The following PIGK variants were observed in gnomAD, a reference collection of about 807,000 sequenced individuals.
PIGK encodes GPI-anchor transamidase.
In PIGK, 42 loss-of-function variants were observed where a neutral mutation model predicts 50.6. The ratio of observed to expected loss-of-function variants is 0.83; its 90% confidence interval spans 0.65 to 1.07. The LOEUF is 1.07. PIGK is among the 50% of genes least tolerant of loss of function. The probability of loss-of-function intolerance (pLI) is 0.00; values close to 1 mark genes in which losing one functional copy is unlikely to be tolerated. For missense variants in PIGK, 448 were observed against 488.7 expected (o/e 0.92, Z 0.78); for synonymous variants, 151 against 156.0 (o/e 0.97, Z 0.24).
chr1:77,157,559 T>C (rs761404044), intron 8 of PIGK, among the ~76,000 whole-genome samples: 4 of 152,220 alleles, frequency 2.6e-5, no homozygotes, highest in African/African-American at 4.8e-5. Context: ...ATGAGAACTT[T>C]CAAATTGAAG....
In PIGK at chr1:77,163,915, A is replaced by C; in HGVS notation, c.515T>G (p.Phe172Cys). 1.9e-6 allele frequency: 3 copies of C among 1,606,862 alleles called. No individual in the cohort carries two copies. Among genetic ancestry groups the C allele is most frequent in the Non-Finnish European group, 2.6e-6 (3 of 1,175,310 alleles). The change falls in exon 6 of 11, where the codon TTT becomes TGT. Residue 172 changes from phenylalanine (F) to cysteine (C), a missense_variant. Coordinates refer to ENST00000370812, the MANE Select transcript of PIGK (RefSeq NM_005482.3). ...GTTGGTAATTTCTTCAGAATCTTGA[A>C]ATTTTAAGAAACCATTTCCACCATG... ...TGHGGNGFLK[F>C]QDSEEITNIE...
chr1:77,195,042 G>A (rs1225458967), intron 3 of PIGK: 4 of 847,922 alleles, frequency 4.7e-6, no homozygotes, highest in South Asian at 1.3e-5. Context: ...ACCTGAATCT[G>A]CTCAGAGACC....
chr1:77,161,632 C>T lies in PIGK; in HGVS notation c.664G>A (p.Ala222Thr). The change falls in exon 7 of 11, where the codon GCT (alanine) becomes ACT (threonine). Residue 222 changes from alanine (A) to threonine (T), a missense_variant. By Grantham distance (58) the Ala-to-Thr change is moderately conservative. Transcript: ENST00000370812. ...YERFYSPNIM[A>T]LASSQVGEDS... ...TCTCCCACTTGACTACTAGCTAGAGCCATTATGTTAGGAGAATAAAATCGT... is the reference window on the plus strand; with the variant it reads ...TCTCCCACTTGACTACTAGCTAGAGTCATTATGTTAGGAGAATAAAATCGT... The T allele has an allele frequency of 4.5e-6, 7 of 1,570,026 alleles. No individual in the cohort carries two copies. Among genetic ancestry groups the T allele is most frequent in the Non-Finnish European group, 6.1e-6 (7 of 1,139,992 alleles).
chr1:77,195,967 A>G (rs1656025803), intron 3 of PIGK, among the ~76,000 whole-genome samples: 1 of 152,038 alleles, frequency 6.6e-6, no homozygotes, highest in Non-Finnish European at 1.5e-5. Context: ...GTAGTTTTTC[A>G]GCCTTTGCCA....
At chr1:77,211,150 C>T (rs1473188235) in intron 1 of PIGK, among the ~76,000 whole-genome samples, 1 of 151,844 alleles carries the variant, frequency 6.6e-6, no homozygotes, top group Non-Finnish European at 1.5e-5. Flanking sequence ...GTGTATTAAT[C>T]GTCTGTCTTT....
chr1:77,183,379 C>T (rs1028326425), intron 3 of PIGK, among the ~76,000 whole-genome samples: 5 of 152,138 alleles, frequency 3.3e-5, no homozygotes, highest in African/African-American at 1.2e-4. Context: ...CCTATGCTGC[C>T]TGAGGCAACA....
chr1:77,109,089 A>G (rs56282465), intron 10 of PIGK, among the ~76,000 whole-genome samples: 5,670 of 152,278 alleles, frequency 0.037, 207 homozygotes, highest in South Asian at 0.21. Context: ...TAGACCAGTA[A>G]CAGGCTCTGA....
At chr1:77,096,884 T>TC (rs1420189273) in intron 10 of PIGK, among the ~76,000 whole-genome samples, 12 of 114,128 alleles carry the variant, frequency 1.1e-4, no homozygotes, top group Non-Finnish European at 2.2e-4. Flanking sequence ...GGTTTTTCTT[T>TC]TTTTTTTTTT....
intron 8 of PIGK, among the ~76,000 whole-genome samples, chr1:77,154,920 A>C (rs1654976668): frequency 6.6e-6 from 1 of 152,112 alleles, no homozygotes; most frequent in South Asian, 2.1e-4. Flanking sequence ...AACTCTGAGA[A>C]CTCATACTCA....
intron 9 of PIGK, among the ~76,000 whole-genome samples, chr1:77,147,265 T>C (rs1174456949): frequency 6.6e-6 from 1 of 151,738 alleles, no homozygotes; most frequent in Non-Finnish European, 1.5e-5. Context: ...TTCAATTATC[T>C]CCCACCGGGT....
At chr1:77,163,814 T>C (rs751655612) in intron 6 of PIGK, 32 bp downstream of exon 6, 2 of 1,209,074 alleles carry the variant, frequency 1.7e-6, no homozygotes, top group Non-Finnish European at 2.4e-6. Context: ...GGTATGAATA[T>C]AGCTTATGAA....
chr1:77,107,148 T>A (rs1249947516), intron 10 of PIGK, among the ~76,000 whole-genome samples: 1 of 152,234 alleles, frequency 6.6e-6, no homozygotes, highest in East Asian at 1.9e-4. Context: ...ATGTGTTTAC[T>A]CTTGCTTCTC....
At chr1:77,215,094 A>T (rs781510426) in intron 1 of PIGK, among the ~76,000 whole-genome samples, 7 of 152,166 alleles carry the variant, frequency 4.6e-5, no homozygotes, top group Non-Finnish European at 8.8e-5. Context: ...CTACAGTTCA[A>T]TGCAATCTCT....
chr1:77,111,847 G>C (rs1339578768), intron 10 of PIGK, among the ~76,000 whole-genome samples: 1 of 151,948 alleles, frequency 6.6e-6, no homozygotes, highest in African/African-American at 2.4e-5. Flanking sequence ...TTTTAAACTA[G>C]AAACACCTTA....
chr1:77,194,830 G>T (rs555421799), intron 3 of PIGK: 13 of 379,528 alleles, frequency 3.4e-5, no homozygotes, highest in Non-Finnish European at 6.1e-5. Context: ...CAGTGACCAG[G>T]TCATCAAGAT....
At chr1:77,146,733 G>A (rs1440979109) in intron 9 of PIGK, among the ~76,000 whole-genome samples, 1 of 151,954 alleles carries the variant, frequency 6.6e-6, no homozygotes, top group Non-Finnish European at 1.5e-5. Flanking sequence ...GGAGGCGGAG[G>A]TTGCGGTGAG....
At chr1:77,206,085 G>A (rs758140821) in intron 3 of PIGK, among the ~76,000 whole-genome samples, 8 of 152,030 alleles carry the variant, frequency 5.3e-5, no homozygotes, top group Non-Finnish European at 8.8e-5. Context: ...GGCAGCAGGA[G>A]GCAATAGCAA....
At chr1:77,157,639 A>T (rs1002204597) in intron 8 of PIGK, among the ~76,000 whole-genome samples, 1 of 152,208 alleles carries the variant, frequency 6.6e-6, no homozygotes. Context: ...TAATATTCAA[A>T]TTCATATCAA....
intron 10 of PIGK, among the ~76,000 whole-genome samples, chr1:77,106,041 T>C (rs948927468): frequency 3.3e-5 from 5 of 152,228 alleles, no homozygotes; most frequent in African/African-American, 1.2e-4. Flanking sequence ...ACATTAAAAC[T>C]ATATTTTACA....
Sources: allele counts gnomAD v4.1 joint callset (sites outside exome capture counted in the v4.1 genomes callset), GRCh38; gene constraint gnomAD v4.1.1; transcripts MANE v1.5; gene names NCBI Gene and HGNC (gene_info 2026-07-23, HGNC 2026-07-21).